SHB: variants seen among roughly 807,000 people sequenced by gnomAD.
The protein encoded by SHB is SH2 domain-containing adapter protein B.
In SHB, 20 loss-of-function variants were observed where a neutral mutation model predicts 52.3. That is an observed-to-expected ratio of 0.38 (90% CI 0.27 to 0.56). The LOEUF is 0.56. SHB is among the 20% of genes least tolerant of loss of function. The probability of loss-of-function intolerance (pLI) is 0.71; values close to 1 mark genes in which losing one functional copy is unlikely to be tolerated. For synonymous variants in SHB, 397 were observed against 316.5 expected (o/e 1.25, Z -2.70); for missense variants, 825 against 723.3 (o/e 1.14, Z -1.61).
intron 1 of SHB, among the ~76,000 whole-genome samples, chr9:38,066,456 A>G (rs980427787): frequency 6.6e-6 from 1 of 152,200 alleles, no homozygotes; most frequent in African/African-American, 2.4e-5. Context: ...TCCCTCACTG[A>G]CCAAACACAG....
intron 1 of SHB, among the ~76,000 whole-genome samples, chr9:38,051,627 C>G (rs768462129): frequency 6.6e-6 from 1 of 152,142 alleles, no homozygotes; most frequent in Admixed American, 6.5e-5. Context: ...ATGACACCAA[C>G]TCCCACCATC....
chr9:38,061,110 T>A (rs987869821), intron 1 of SHB, among the ~76,000 whole-genome samples: 1 of 151,908 alleles, frequency 6.6e-6, no homozygotes, highest in African/African-American at 2.4e-5. Context: ...GGCAGACGGA[T>A]CACTTGAGCC....
At chr9:37,998,078 C>G (rs1018225460) in intron 2 of SHB, among the ~76,000 whole-genome samples, 1 of 152,230 alleles carries the variant, frequency 6.6e-6, no homozygotes, top group Non-Finnish European at 1.5e-5. Context: ...GCTGCTTTCT[C>G]TTGTAAAGTG....
chr9:38,018,603 T>A (rs1204476460), intron 1 of SHB, among the ~76,000 whole-genome samples: 1 of 151,988 alleles, frequency 6.6e-6, no homozygotes, highest in Non-Finnish European at 1.5e-5. Context: ...AACTTCAAAG[T>A]GAGGTTGGTG....
At position 37,955,885 on chromosome 9, in the gene SHB, T is replaced by A. The variant is rs531813719; in HGVS notation, c.1224A>T (p.Gln408His). The A allele has an allele frequency of 3.7e-6, 6 of 1,613,088 alleles. No individual in the cohort carries two copies. The South Asian group carries it at 6.6e-5, about 18-fold the overall frequency. ...GGGCTTTGCTCCCAAGAACTTACATTTGCTTCTCCAGGGGGACGGCAGGAT... is the reference window on the plus strand; with the variant it reads ...GGGCTTTGCTCCCAAGAACTTACATATGCTTCTCCAGGGGGACGGCAGGAT... ...RVDPAVPLEK[Q>H]IWYHGAISRG... Residue 408 changes from glutamine (Q) to histidine (H), a missense_variant and splice_region_variant, in exon 4 of 6, where the codon CAA becomes CAT. Coordinates refer to ENST00000377707, the MANE Select transcript of SHB (RefSeq NM_003028.3).
At chr9:37,980,874 G>A (rs1820715884) in intron 2 of SHB, among the ~76,000 whole-genome samples, 1 of 146,042 alleles carries the variant, frequency 6.8e-6, no homozygotes, top group Non-Finnish European at 1.5e-5. Flanking sequence ...ATCAGCAGTA[G>A]TATCTTTAAA....
chr9:38,037,934 T>C (rs546289887), intron 1 of SHB, among the ~76,000 whole-genome samples: 82 of 152,336 alleles, frequency 5.4e-4, no homozygotes, highest in African/African-American at 1.9e-3. Flanking sequence ...TTTCACATTC[T>C]GTCACACTCT....
chr9:37,991,177 G>A (rs912620698), intron 2 of SHB, among the ~76,000 whole-genome samples: 1 of 152,164 alleles, frequency 6.6e-6, no homozygotes, highest in Non-Finnish European at 1.5e-5. Context: ...GTGGAACGAG[G>A]CACAGTGCCA....
chr9:38,052,116 C>T (rs2118168463), intron 1 of SHB, among the ~76,000 whole-genome samples: 1 of 152,306 alleles, frequency 6.6e-6, no homozygotes, highest in Non-Finnish European at 1.5e-5. Context: ...TGGAATGTCT[C>T]TAACTCCACG....
chr9:38,010,615 C>G (rs1264598323), intron 2 of SHB, among the ~76,000 whole-genome samples: 1 of 152,232 alleles, frequency 6.6e-6, no homozygotes, highest in Non-Finnish European at 1.5e-5. Flanking sequence ...CTACTTGGAT[C>G]ACCCAAATTG....
intron 2 of SHB, among the ~76,000 whole-genome samples, chr9:37,993,968 G>C (rs751482094): frequency 5.3e-5 from 8 of 152,232 alleles, no homozygotes; most frequent in African/African-American, 1.9e-4. Flanking sequence ...GTGGAACATG[G>C]CTAGAGTCAG....
At chr9:37,981,082 C>T (rs1261852358) in intron 2 of SHB, among the ~76,000 whole-genome samples, 1 of 152,202 alleles carries the variant, frequency 6.6e-6, no homozygotes, top group Non-Finnish European at 1.5e-5. Context: ...TTACAATCAC[C>T]AGCTGCATTA....
chr9:37,931,917 T>C (rs1394843707), intron 5 of SHB, among the ~76,000 whole-genome samples: 2 of 152,164 alleles, frequency 1.3e-5, no homozygotes, highest in South Asian at 4.1e-4. Flanking sequence ...AAAAAAGATC[T>C]TGTCATTCAC....
intron 5 of SHB, among the ~76,000 whole-genome samples, chr9:37,948,298 A>G (rs539962064): frequency 2.0e-5 from 3 of 152,360 alleles, no homozygotes; most frequent in African/African-American, 7.2e-5. Context: ...CCTCAAAAAA[A>G]TCAAAGGACC....
At chr9:37,926,589 C>A (rs2118464275) in intron 5 of SHB, among the ~76,000 whole-genome samples, 1 of 152,344 alleles carries the variant, frequency 6.6e-6, no homozygotes, top group African/African-American at 2.4e-5. Flanking sequence ...TCCATTGAAT[C>A]TTCACAGAGC....
chr9:38,043,010 C>G (rs956733461), intron 1 of SHB, among the ~76,000 whole-genome samples: 3 of 152,196 alleles, frequency 2.0e-5, no homozygotes, highest in African/African-American at 7.2e-5. Context: ...ACCTTTCTCA[C>G]CAGACCCAAC....
In SHB at chr9:38,068,732, G is replaced by A; in HGVS notation, c.-87C>T. ...GGCAGCGCTGCGGCGCAGGTCCCTCGGCGCCCCGGCCCCGGCGGGGGGCGT... is the reference window on the plus strand; with the variant it reads ...GGCAGCGCTGCGGCGCAGGTCCCTCAGCGCCCCGGCCCCGGCGGGGGGCGT... On this transcript the variant is annotated 5_prime_UTR_variant, in exon 1 of 6. Transcript: ENST00000377707. 1.1e-6 allele frequency: 1 copy of A among 921,020 alleles called. No homozygotes were observed. Among genetic ancestry groups the A allele is most frequent in the Non-Finnish European group, 1.3e-6 (1 of 742,082 alleles). 57.1% of individuals were successfully genotyped at this position (921,020 alleles called of 1,614,324 possible). A position where few individuals can be genotyped will look rare whatever the true frequency, so the allele number is the denominator to read the frequency against.
intron 5 of SHB, among the ~76,000 whole-genome samples, chr9:37,938,967 G>C (rs1344653390): frequency 6.6e-6 from 1 of 152,200 alleles, no homozygotes; most frequent in East Asian, 1.9e-4. Flanking sequence ...GCAGCCGGGA[G>C]AGCCACTATC....
chr9:37,927,369 C>T (rs959785842), intron 5 of SHB, among the ~76,000 whole-genome samples: 1 of 152,246 alleles, frequency 6.6e-6, no homozygotes, highest in South Asian at 2.1e-4. Context: ...TCAATGTAAA[C>T]GCTGCTGAGC....
Sources: gnomAD v4.1 joint callset for allele counts (sites outside exome capture counted in the v4.1 genomes callset) on GRCh38, gnomAD v4.1.1 for gene constraint, MANE v1.5 for transcripts, NCBI Gene and HGNC (gene_info 2026-07-23, HGNC 2026-07-21) for gene names.